The following ADAMTS9 variants were observed in gnomAD, a reference collection of about 807,000 sequenced individuals.
ADAMTS9 encodes ADAM metallopeptidase with thrombospondin type 1 motif 9.
Under a neutral mutation model 257.1 loss-of-function variants are expected in ADAMTS9, and 107 were observed. That is an observed-to-expected ratio of 0.42 (90% confidence interval 0.36 to 0.49). The LOEUF is 0.49. Among genes scored for constraint, ADAMTS9 ranks in the 20% least tolerant of loss-of-function variants. ADAMTS9 has a pLI of 0.03. For synonymous variants in ADAMTS9, 982 were observed against 880.9 expected, an observed-to-expected ratio of 1.11 and a Z score of -2.03; for missense variants, 2,353 against 2,469.1, an observed-to-expected ratio of 0.95 and a Z score of 1.00.
chr3:64,636,103 A>G (rs7652820), intron 12 of ADAMTS9, among the ~76,000 whole-genome samples: 48,922 of 151,704 alleles, frequency 0.32, 10,897 homozygotes, highest in African/African-American at 0.61. Context: ...TTGTTCTCTT[A>G]TATGACACGT....
At chr3:64,543,405 A>G (rs1488341097) in intron 32 of ADAMTS9, among the ~76,000 whole-genome samples, 4 of 152,222 alleles carry the variant, frequency 2.6e-5, no homozygotes. Flanking sequence ...AGCACATCAA[A>G]AAGCTTATCC....
rs3796382 is a variant in ADAMTS9, at chr3:64,541,267, G to A, written c.5388-39C>T. 50,507 of 1,613,794 alleles carry A rather than the reference G, an allele frequency of 0.031. 6,580 individuals carry two copies. The Admixed American group carries it at 0.37, about 12-fold the overall frequency. On this transcript the variant is annotated intron_variant, in intron 35 of 39. Transcript: ENST00000498707. ...AGAATGTTCTGGTAAGGATGGGAAA[G>A]CATTTCCAGGGATCTCCAGGCCTCT...
chr3:64,603,848 C>T, intron 25 of ADAMTS9, 74 bp downstream of exon 25: 1 of 1,495,822 alleles, frequency 6.7e-7, no homozygotes, highest in Non-Finnish European at 9.1e-7. Flanking sequence ...CAAGTGGCGC[C>T]CCCCTCCGCT....
At chr3:64,597,426 C>T (rs1188748895) in intron 26 of ADAMTS9, among the ~76,000 whole-genome samples, 4 of 152,156 alleles carry the variant, frequency 2.6e-5, no homozygotes, top group Non-Finnish European at 4.4e-5. Context: ...AAATTACATG[C>T]CTAATGAATT....
chr3:64,671,341 C>T (rs1701479769), intron 3 of ADAMTS9, among the ~76,000 whole-genome samples: 1 of 152,014 alleles, frequency 6.6e-6, no homozygotes, highest in African/African-American at 2.4e-5. Context: ...ACAAAGGACA[C>T]CAAAAACTGT....
chr3:64,686,523 G>A lies in ADAMTS9; in HGVS notation c.516+45C>T. On this transcript the variant is annotated intron_variant, in intron 2 of 39. Transcript: ENST00000498707. The surrounding 1 kb of genome is among the most constrained non-coding windows in gnomAD (Gnocchi z 4.6). ...AGGACAATTAAGTCTTCTAGAAGCGGGCGAGGAGGCGGAAGGGGAGAGGAG... is the reference window on the plus strand; with the variant it reads ...AGGACAATTAAGTCTTCTAGAAGCGAGCGAGGAGGCGGAAGGGGAGAGGAG... 1 of 1,536,478 alleles carries A rather than the reference G, an allele frequency of 6.5e-7. No homozygotes were observed. Among genetic ancestry groups the A allele is most frequent in the Non-Finnish European group, 8.8e-7 (1 of 1,140,054 alleles).
rs1701704566 is a variant in ADAMTS9 at position 64,679,655 on chromosome 3, T to C, written c.679+1546A>G. ...AAAAAATATTTCAGTGTCTTCTGAATATATACTAATAAGATGGAAGGAGGG... is the reference window on the plus strand; with the variant it reads ...AAAAAATATTTCAGTGTCTTCTGAACATATACTAATAAGATGGAAGGAGGG... On this transcript the variant is annotated intron_variant, in intron 3 of 39. Coordinates refer to ENST00000498707, the MANE Select transcript of ADAMTS9 (RefSeq NM_182920.2). Among the ~76,000 whole-genome samples the C allele has an allele frequency of 4.6e-5, 7 of 152,364 alleles. No individual in the cohort carries two copies. In the South Asian group the frequency reaches 1.4e-3, roughly 32 times the overall value.
At position 64,551,009 on chromosome 3, in the gene ADAMTS9, A is replaced by G. The variant is rs2083264188; in HGVS notation, c.4752T>C (p.Asp1584=). Residue 1584 remains aspartate, a synonymous_variant, in exon 31 of 40, where the codon GAT becomes GAC. Transcript: ENST00000498707. The part of the protein sequence containing the change: ...GSRYRKVVCV[D]DNKNEVHGAR... ...CCCCATGCACCTCGTTTTTGTTGTC[A>G]TCCACACACACCACCTTGCGGTACC... is the stretch of plus-strand genomic sequence containing the variant. The G allele has an allele frequency of 6.2e-7, 1 of 1,614,166 alleles. No homozygotes were observed. Among genetic ancestry groups the G allele is most frequent in the African/African-American group, 1.3e-5 (1 of 75,048 alleles).
intron 26 of ADAMTS9, among the ~76,000 whole-genome samples, chr3:64,598,354 G>A (rs1168565868): frequency 1.5e-5 from 2 of 136,032 alleles, no homozygotes; most frequent in African/African-American, 5.6e-5. Context: ...GTTTTGCTCT[G>A]TCACCCAGGC....
chr3:64,606,845 G>A lies in ADAMTS9; in HGVS notation c.3474+115C>T, dbSNP rs1010787632. On this transcript the variant is annotated intron_variant, in intron 23 of 39. Transcript: ENST00000498707. ...GTAAATCTGGACAAATTAATCTACT[G>A]GTTGCTCTACTGACATACTTATCTA... The A allele has an allele frequency of 5.5e-6, 7 of 1,273,812 alleles. No homozygotes were observed. In the African/African-American group the frequency reaches 1.0e-4, roughly 19 times the overall value. 78.9% of individuals were successfully genotyped at this position (1,273,812 alleles called of 1,614,324 possible). A position where few individuals can be genotyped will look rare whatever the true frequency, so the allele number is the denominator to read the frequency against.
chr3:64,554,592 A>G (rs1425918378), intron 30 of ADAMTS9, among the ~76,000 whole-genome samples: 1 of 152,216 alleles, frequency 6.6e-6, no homozygotes, highest in Non-Finnish European at 1.5e-5. Flanking sequence ...AAGTTCAATT[A>G]GCCTCATTTT....
At chr3:64,546,997 G>C (rs1322872372) in intron 31 of ADAMTS9, 45 bp from the exon 32 acceptor site, 1 of 1,559,760 alleles carries the variant, frequency 6.4e-7, no homozygotes, top group East Asian at 2.3e-5. Context: ...CAGTTCCTGG[G>C]GGCAGCCCAC....
chr3:64,569,377 C>T (rs537980134), intron 28 of ADAMTS9, among the ~76,000 whole-genome samples: 8 of 152,202 alleles, frequency 5.3e-5, no homozygotes, highest in South Asian at 4.1e-4. Context: ...GCTGCTGGCT[C>T]GGGTTTTCAA....
At chr3:64,594,964 T>C (rs1301237817) in intron 27 of ADAMTS9, among the ~76,000 whole-genome samples, 2 of 152,138 alleles carry the variant, frequency 1.3e-5, no homozygotes, top group Non-Finnish European at 2.9e-5. Flanking sequence ...TTTTTTTGTA[T>C]TTTTAGTAGA....
intron 28 of ADAMTS9, chr3:64,588,037 A>C (rs1426494559): frequency 1.3e-5 from 2 of 152,142 alleles, no homozygotes; most frequent in Admixed American, 1.3e-4. Flanking sequence ...TGGTGATTGG[A>C]AGCATATTCT....
At chr3:64,553,467 G>A (rs1288562841) in intron 30 of ADAMTS9, among the ~76,000 whole-genome samples, 1 of 152,082 alleles carries the variant, frequency 6.6e-6, no homozygotes, top group Non-Finnish European at 1.5e-5. Flanking sequence ...GGACATATGG[G>A]TTGTTTCTCA....
intron 19 of ADAMTS9, 32 bp from the exon 20 acceptor site, chr3:64,616,202 T>A: frequency 6.2e-7 from 1 of 1,609,226 alleles, no homozygotes; most frequent in Non-Finnish European, 8.5e-7. Context: ...AAACCAACAT[T>A]TCTGTTAAAA....
At chr3:64,615,031 G>C in intron 21 of ADAMTS9, 1 of 289,998 alleles carries the variant, frequency 3.4e-6, no homozygotes, top group Non-Finnish European at 6.3e-6. Context: ...CTTAGCTAGG[G>C]CTCAAAGAGG....
At position 64,636,586 on chromosome 3, in the gene ADAMTS9, C is replaced by T. The variant is rs1032751128; in HGVS notation, c.1857-2707G>A. ...GCTATTACAAGATTTGGCAAACTAC[C>T]ATCCTGTGGGCCAAACCCAGCCCGC... On this transcript the variant is annotated intron_variant, in intron 12 of 39. Coordinates refer to ENST00000498707, the MANE Select transcript of ADAMTS9 (RefSeq NM_182920.2). Among the ~76,000 whole-genome samples the T allele has an allele frequency of 7.2e-5, 11 of 152,260 alleles. No individual in the cohort carries two copies. In the South Asian group the frequency reaches 2.1e-3, roughly 29 times the overall value.
Sources: allele counts gnomAD v4.1 joint callset (sites outside exome capture counted in the v4.1 genomes callset), GRCh38; gene constraint gnomAD v4.1.1; non-coding constraint Gnocchi (gnomAD v3.1); transcripts MANE v1.5; gene names NCBI Gene and HGNC (gene_info 2026-07-23, HGNC 2026-07-21).